CSRP1: variants seen among roughly 807,000 people sequenced by gnomAD.
CSRP1 encodes cysteine and glycine-rich protein 1.
CSRP1 carries 16 observed loss-of-function variants against 25.4 expected under a neutral mutation model. The ratio of observed to expected loss-of-function variants is 0.63; its 90% confidence interval spans 0.43 to 0.96. The LOEUF (loss-of-function observed/expected upper bound fraction) is 0.96, where lower values mean the gene tolerates loss of function less well. Ranked by LOEUF, CSRP1 falls within the 40% of genes least tolerant of loss-of-function variation. The pLI is 0.00. For synonymous variants in CSRP1, 97 were observed against 95.3 expected, an observed-to-expected ratio of 1.02 and a Z score of -0.10; for missense variants, 212 against 243.6, an observed-to-expected ratio of 0.87 and a Z score of 0.86.
chr1:201,490,523 G>A (rs753597437), intron 2 of CSRP1, 179 bp from the exon 3 acceptor site: 6 of 591,184 alleles, frequency 1.0e-5, no homozygotes, highest in Non-Finnish European at 1.8e-5. Flanking sequence ...AGGACAGAGG[G>A]ATGGGATCTG....
intron 3 of CSRP1, chr1:201,489,946 T>C (rs1390682501): frequency 1.3e-5 from 6 of 467,424 alleles, no homozygotes; most frequent in African/African-American, 7.7e-5. Context: ...CATACAAATA[T>C]AGAATGCACG....
At chr1:201,485,640 G>A (rs1256561254) in intron 4 of CSRP1, 1 of 473,282 alleles carries the variant, frequency 2.1e-6, no homozygotes, top group Non-Finnish European at 3.9e-6. Context: ...ACAAAAGGCA[G>A]GTGAGGGGGT....
chr1:201,498,873 A>G (rs1323598483), intron 1 of CSRP1, among the ~76,000 whole-genome samples: 3 of 152,156 alleles, frequency 2.0e-5, no homozygotes, highest in Admixed American at 6.5e-5. Context: ...ACTGTGGGGA[A>G]GTGGTGTTAG....
intron 1 of CSRP1, chr1:201,496,576 G>A: frequency 4.2e-6 from 2 of 474,416 alleles, no homozygotes; most frequent in Non-Finnish European, 7.7e-6. Context: ...TAAAGGATGT[G>A]GATCAGCAGA....
At chr1:201,490,496 G>A in intron 2 of CSRP1, 152 bp from the exon 3 acceptor site, 1 of 695,366 alleles carries the variant, frequency 1.4e-6, no homozygotes, top group South Asian at 2.0e-5. Context: ...AGGCAGGCGG[G>A]ATGGCCAATG....
intron 1 of CSRP1, chr1:201,496,564 T>C (rs1664522091): frequency 2.0e-6 from 1 of 508,736 alleles, no homozygotes; most frequent in Admixed American, 3.3e-5. Context: ...TGCTAGGCAC[T>C]CTAAAGGATG....
At position 201,496,021 on chromosome 1, in the gene CSRP1, C is replaced by T. The variant is rs2296693; in HGVS notation, c.112+171G>A. 3.5e-3 allele frequency: 2,056 copies of T among 587,696 alleles called. 23 individuals are homozygous for T. The highest frequency in any genetic ancestry group is 0.021 in the East Asian group (736 of 35,688). 36.4% of individuals were successfully genotyped at this position (587,696 alleles called of 1,614,324 possible). A position where few individuals can be genotyped will look rare whatever the true frequency, so the allele number is the denominator to read the frequency against. On this transcript the variant is annotated intron_variant, in intron 2 of 5. Coordinates refer to ENST00000340006, the MANE Select transcript of CSRP1 (RefSeq NM_004078.3). ...CATCCCTTAGAAAGAAGCTTCTGAA[C>T]GGAACAAAGAGGCCCTGAAGTGTTT...
chr1:201,493,408 T>C (rs1664404862), intron 2 of CSRP1, among the ~76,000 whole-genome samples: 1 of 152,344 alleles, frequency 6.6e-6, no homozygotes, highest in African/African-American at 2.4e-5. Context: ...GTTCTTGTGA[T>C]AGTGAAAAAG....
At position 201,484,721 on chromosome 1, in the gene CSRP1, A is replaced by C; in HGVS notation, c.574T>G (p.Ser192Ala). Residue 192 changes from serine (S) to alanine (A), a missense_variant, in exon 6 of 6, where the codon TCT becomes GCT. By Grantham distance (99) the Ser-to-Ala change is moderately conservative. Transcript: ENST00000340006. ...GGTGGGTGATGGTGGCCTCACTCAG[A>C]GTGGACCAAGGCCCCAGCTCCTTGC... ...FGQGAGALVH[S>A]E 6.2e-7 allele frequency: 1 copy of C among 1,610,900 alleles called. No individual in the cohort carries two copies.
Position 201,485,344 on chromosome 1 carries a change from C to T in CSRP1, c.444G>A (p.Lys148=), listed in dbSNP as rs140028436. Residue 148 remains lysine (K), a synonymous_variant, in exon 5 of 6, where the codon AAG becomes AAA. Transcript: ENST00000340006. Reference sequence around the variant, plus strand: ...TGGTTGACTCAAGGCCTTTGCCACACTTGGCACATCGAAAGCAGGCCTTAT... The same window carrying T: ...TGGTTGACTCAAGGCCTTTGCCACATTTGGCACATCGAAAGCAGGCCTTAT... ...SWHKACFRCA[K]CGKGLESTTL... 3 of 1,614,198 alleles carry T rather than the reference C, an allele frequency of 1.9e-6. No homozygotes were observed. The highest frequency in any genetic ancestry group is 2.7e-5 in the African/African-American group (2 of 75,060).
chr1:201,483,802 GA>G lies in CSRP1; in HGVS notation c.*910del. ...AGATTCTGAGGTCTCAGGGCAAAGG[GA>G]AAGGTGTTTGGATGAAGACTGAGGC... is the stretch of plus-strand genomic sequence containing the variant. On this transcript the variant is annotated 3_prime_UTR_variant, in exon 6 of 6. Transcript: ENST00000340006. The G allele has an allele frequency of 2.0e-6, 1 of 511,274 alleles. No individual in the cohort carries two copies. The highest frequency in any genetic ancestry group is 3.5e-6 in the Non-Finnish European group (1 of 281,882). The allele number at this position is 511,274 out of a possible 1,614,324, so 31.7% of individuals were successfully genotyped here.
rs1217685094 is a variant in CSRP1 at position 201,505,255 on chromosome 1, T to C, written c.-2+1815A>G. On this transcript the variant is annotated intron_variant, in intron 1 of 5. Coordinates refer to ENST00000340006, the MANE Select transcript of CSRP1 (RefSeq NM_004078.3). ...AGCTGAAAGACCATTGCTACCCCAC[T>C]CATTCATCAAATGTTTGCTGATCAC... is the stretch of plus-strand genomic sequence containing the variant. 2.0e-5 allele frequency among the ~76,000 whole-genome samples: 3 copies of C among 152,146 alleles called. No homozygotes were observed. In the East Asian group the frequency reaches 5.8e-4, roughly 29 times the overall value.
chr1:201,503,561 C>T (rs766087266), intron 1 of CSRP1, among the ~76,000 whole-genome samples: 31 of 152,118 alleles, frequency 2.0e-4, no homozygotes, highest in Non-Finnish European at 2.2e-4. Flanking sequence ...CCGCTGAAGA[C>T]TCAGACGCTG....
intron 1 of CSRP1, among the ~76,000 whole-genome samples, chr1:201,497,083 G>T (rs373451895): frequency 2.2e-4 from 34 of 152,278 alleles, no homozygotes; most frequent in African/African-American, 8.2e-4. Flanking sequence ...GGGCATGGTG[G>T]CTCACGCCTG....
intron 4 of CSRP1, chr1:201,488,086 T>A (rs12403361): frequency 0.59 from 89,826 of 152,010 alleles, 26,947 homozygotes; most frequent in Non-Finnish European, 0.64. Context: ...TGCTCCAGAA[T>A]TCCTCTCTGG....
At chr1:201,497,089 G>A (rs1280503396) in intron 1 of CSRP1, among the ~76,000 whole-genome samples, 2 of 152,086 alleles carry the variant, frequency 1.3e-5, no homozygotes, top group African/African-American at 2.4e-5. Context: ...GGTGGCTCAC[G>A]CCTGTAATCC....
chr1:201,486,958 C>T (rs1664167079), intron 4 of CSRP1: 7 of 1,293,148 alleles, frequency 5.4e-6, no homozygotes, highest in Non-Finnish European at 7.1e-6. Flanking sequence ...TTAATGTCTC[C>T]TGTTTTCATA....
intron 2 of CSRP1, chr1:201,492,145 T>A (rs1315636345): frequency 1.3e-5 from 2 of 152,162 alleles, no homozygotes; most frequent in Admixed American, 6.5e-5. Flanking sequence ...TCCTGTAAGA[T>A]CCCAATTGAA....
At position 201,488,894 on chromosome 1, in the gene CSRP1, C is replaced by T; in HGVS notation, c.372G>A (p.Gln124=). The T allele has an allele frequency of 6.2e-7, 1 of 1,614,160 alleles. No homozygotes were observed. The highest frequency in any genetic ancestry group is 8.5e-7 in the Non-Finnish European group (1 of 1,180,022). The change falls in exon 4 of 6, where the codon CAG becomes CAA. Residue 124 remains glutamine (Q), a synonymous_variant. Transcript: ENST00000340006. ...TCACCTTCTCCGCAGCATAGACTGC[C>T]TGGCTGCATCGGGGGCAGCGCTCGG... ...GGSERCPRCS[Q]AVYAAEKVIG...
Sources: gnomAD v4.1 joint callset for allele counts (sites outside exome capture counted in the v4.1 genomes callset) on GRCh38, gnomAD v4.1.1 for gene constraint, MANE v1.5 for transcripts, NCBI Gene and HGNC (gene_info 2026-07-23, HGNC 2026-07-21) for gene names.